The following MEF2C variants were observed in gnomAD, a reference collection of about 807,000 sequenced individuals.
The protein encoded by MEF2C is myocyte enhancer factor 2C.
In MEF2C, 6 loss-of-function variants were observed where a neutral mutation model predicts 50.5. The observed-to-expected ratio is 0.12, with a 90% confidence interval of 0.07 to 0.23. The LOEUF is 0.23. Ranked by LOEUF, MEF2C falls within the 10% of genes least tolerant of loss-of-function variation. The probability of loss-of-function intolerance (pLI) is 1.00; values close to 1 mark genes in which losing one functional copy is unlikely to be tolerated. For synonymous variants in MEF2C, 183 were observed against 228.0 expected, an observed-to-expected ratio of 0.80 and a Z score of 1.78; for missense variants, 276 against 605.0, an observed-to-expected ratio of 0.46 and a Z score of 5.70.
chr5:88,793,192 A>G (rs893388323), intron 3 of MEF2C, among the ~76,000 whole-genome samples: 4 of 152,196 alleles, frequency 2.6e-5, no homozygotes, highest in Admixed American at 6.5e-5. Flanking sequence ...ATGACTTTCC[A>G]AAGTGTAATT....
chr5:88,859,610 T>TTA (rs1241590389), intron 1 of MEF2C, among the ~76,000 whole-genome samples: 1 of 152,220 alleles, frequency 6.6e-6, no homozygotes, highest in Non-Finnish European at 1.5e-5. Flanking sequence ...TGACAGAATG[T>TTA]TATATAACTG....
chr5:88,773,360 T>C (rs1412311849), intron 3 of MEF2C, among the ~76,000 whole-genome samples: 5 of 152,188 alleles, frequency 3.3e-5, no homozygotes, highest in Admixed American at 2.0e-4. Flanking sequence ...TAGCAACATC[T>C]GCCCCTCAAC....
At chr5:88,890,343 A>T (rs1479977823) in intron 1 of MEF2C, among the ~76,000 whole-genome samples, 1 of 152,206 alleles carries the variant, frequency 6.6e-6, no homozygotes, top group Non-Finnish European at 1.5e-5. Context: ...CTGTCACTAA[A>T]TGCAGATATC....
At chr5:88,896,963 A>G (rs1415032458) in intron 1 of MEF2C, among the ~76,000 whole-genome samples, 2 of 151,454 alleles carry the variant, frequency 1.3e-5, no homozygotes, top group Non-Finnish European at 2.9e-5. Flanking sequence ...ACACACACAC[A>G]CACGCACAAC....
chr5:88,804,849 G>A, intron 2 of MEF2C, 48 bp from the exon 3 acceptor site: 2 of 1,495,540 alleles, frequency 1.3e-6, no homozygotes, highest in Non-Finnish European at 1.8e-6. Flanking sequence ...ATTCATGCAT[G>A]TGTGGTTTTT....
At chr5:88,880,297 A>C (rs1832418067) in intron 1 of MEF2C, among the ~76,000 whole-genome samples, 1 of 152,150 alleles carries the variant, frequency 6.6e-6, no homozygotes, top group Non-Finnish European at 1.5e-5. Flanking sequence ...TTAACAGTTC[A>C]TCTTGTGACC....
At chr5:88,794,453 G>A (rs1363364431) in intron 3 of MEF2C, among the ~76,000 whole-genome samples, 2 of 152,138 alleles carry the variant, frequency 1.3e-5, no homozygotes, top group Non-Finnish European at 2.9e-5. Context: ...CTTTTGAGAG[G>A]TGTCTGTTCA....
At chr5:88,756,819 A>T (rs1775561046) in intron 4 of MEF2C, among the ~76,000 whole-genome samples, 1 of 152,162 alleles carries the variant, frequency 6.6e-6, no homozygotes, top group Non-Finnish European at 1.5e-5. Context: ...AATGAAAGCC[A>T]AAAAGTAGTT....
At position 88,728,588 on chromosome 5, in the gene MEF2C, C is replaced by A. The variant is rs1053127005; in HGVS notation, c.1005G>T (p.Gly335=). ...LSSADLSSLS[G]FNTASALHLG... ...GGTGAAGAGCGCTGGCGGTGTTAAA[C>A]CCAGACAGAGATGACAGGTCTGCAC... The change falls in exon 10 of 11, where the codon GGG becomes GGT. Residue 335 remains glycine (G), a synonymous_variant. Transcript: ENST00000504921. The A allele has an allele frequency of 2.0e-6, 3 of 1,530,146 alleles. No individual in the cohort carries two copies. The highest frequency in any genetic ancestry group is 2.5e-5 in the East Asian group (1 of 40,158). 94.8% of individuals were successfully genotyped at this position (1,530,146 alleles called of 1,614,324 possible).
chr5:88,902,459 T>C (rs192907152), intron 1 of MEF2C, among the ~76,000 whole-genome samples: 6,332 of 151,464 alleles, frequency 0.042, 159 homozygotes, highest in Non-Finnish European at 0.05. Context: ...GTTATGTTTT[T>C]AAAATATTAG....
chr5:88,860,643 G>C (rs1322015609), intron 1 of MEF2C, among the ~76,000 whole-genome samples: 1 of 152,150 alleles, frequency 6.6e-6, no homozygotes, highest in African/African-American at 2.4e-5. Context: ...CTATGATCTG[G>C]AAGTGTTGGC....
chr5:88,845,128 A>C (rs923238963), intron 1 of MEF2C, among the ~76,000 whole-genome samples: 1 of 152,214 alleles, frequency 6.6e-6, no homozygotes, highest in African/African-American at 2.4e-5. Context: ...ATTCCATGTT[A>C]ATTAATTTGA....
At chr5:88,777,899 CTTT>C (rs57841792) in intron 3 of MEF2C, among the ~76,000 whole-genome samples, 2 of 77,320 alleles carry the variant, frequency 2.6e-5, no homozygotes, top group Non-Finnish European at 4.5e-5. Context: ...TTTTTCTTTT[CTTT>C]TTTTTTTTTT....
intron 6 of MEF2C, chr5:88,734,875 C>A: frequency 1.6e-5 from 16 of 977,922 alleles, no homozygotes; most frequent in Non-Finnish European, 1.9e-5. Context: ...ATATTTTGAA[C>A]CATGATGACA....
At chr5:88,843,079 G>A (rs553827932) in intron 1 of MEF2C, among the ~76,000 whole-genome samples, 3 of 152,068 alleles carry the variant, frequency 2.0e-5, no homozygotes, top group South Asian at 2.1e-4. Flanking sequence ...TACAAAAGAC[G>A]GAGTTATTTT....
chr5:88,845,661 C>A (rs1223975269), intron 1 of MEF2C, among the ~76,000 whole-genome samples: 1 of 152,164 alleles, frequency 6.6e-6, no homozygotes, highest in Non-Finnish European at 1.5e-5. Context: ...TGGTGAACAT[C>A]TCAGAAGTTG....
At chr5:88,780,205 A>C (rs1000756861) in intron 3 of MEF2C, among the ~76,000 whole-genome samples, 1 of 152,176 alleles carries the variant, frequency 6.6e-6, no homozygotes, top group African/African-American at 2.4e-5. Context: ...CTTTAATATA[A>C]ATAAAATCTC....
chr5:88,793,740 G>A (rs548822386), intron 3 of MEF2C, among the ~76,000 whole-genome samples: 13 of 152,018 alleles, frequency 8.6e-5, no homozygotes, highest in Admixed American at 3.3e-4. Flanking sequence ...GGTTTGCTGC[G>A]CCCATAAAAC....
intron 10 of MEF2C, among the ~76,000 whole-genome samples, chr5:88,725,626 A>G (rs1415378523): frequency 5.9e-5 from 9 of 152,112 alleles, no homozygotes; most frequent in Admixed American, 5.9e-4. Flanking sequence ...CAAGTCCTCT[A>G]TGCAAATTTT....
Sources: allele counts gnomAD v4.1 joint callset (sites outside exome capture counted in the v4.1 genomes callset), GRCh38; gene constraint gnomAD v4.1.1; transcripts MANE v1.5; gene names NCBI Gene and HGNC (gene_info 2026-07-23, HGNC 2026-07-21).